CPS1: variants seen among roughly 807,000 people sequenced by gnomAD.
The protein encoded by CPS1 is carbamoyl-phosphate synthase 1, also known as carbamoyl-phosphate synthase [ammonia], mitochondrial.
In CPS1, 109 loss-of-function variants were observed where a neutral mutation model predicts 174.6. The observed-to-expected ratio is 0.62, with a 90% CI of 0.53 to 0.73. The LOEUF (loss-of-function observed/expected upper bound fraction) is 0.73. Ranked by LOEUF, CPS1 falls within the 30% of genes least tolerant of loss-of-function variation. CPS1 has a pLI of 0.00. For missense variants in CPS1, 1,689 were observed against 1,821.9 expected, an observed-to-expected ratio of 0.93 and a Z score of 1.33; for synonymous variants, 637 against 632.0, an observed-to-expected ratio of 1.01 and a Z score of -0.12.
intron 24 of CPS1, among the ~76,000 whole-genome samples, chr2:210,641,101 C>A (rs531500715): frequency 6.6e-6 from 1 of 152,144 alleles, no homozygotes; most frequent in Non-Finnish European, 1.5e-5. Flanking sequence ...ACAAAGGGAA[C>A]AAATTCCCTC....
intron 16 of CPS1, 86 bp from the exon 17 acceptor site, chr2:210,605,016 A>T: frequency 1.4e-6 from 2 of 1,474,794 alleles, no homozygotes; most frequent in African/African-American, 2.8e-5. Context: ...GCTGACCAGG[A>T]TTTATGCCAG....
chr2:210,495,059 G>T (rs1247166747), intron 1 of CPS1, among the ~76,000 whole-genome samples: 1 of 152,130 alleles, frequency 6.6e-6, no homozygotes, highest in East Asian at 1.9e-4. Flanking sequence ...ATGCAGCCAG[G>T]GTTGAAAATC....
At chr2:210,588,233 A>G (rs1698171052) in intron 7 of CPS1, 86 bp downstream of exon 7, 2 of 1,177,676 alleles carry the variant, frequency 1.7e-6, no homozygotes, top group Non-Finnish European at 2.5e-6. Context: ...AGAGAAACTT[A>G]TGCATTCTTT....
At chr2:210,667,050 G>C (rs1701126160) in intron 33 of CPS1, among the ~76,000 whole-genome samples, 1 of 152,150 alleles carries the variant, frequency 6.6e-6, no homozygotes, top group Admixed American at 6.5e-5. Flanking sequence ...CATGTCCCTT[G>C]TAAGTTGGAT....
At position 210,677,069 on chromosome 2, in the gene CPS1, T is replaced by A; in HGVS notation, c.4337T>A (p.Val1446Asp). 6.2e-7 allele frequency: 1 copy of A among 1,613,572 alleles called. No homozygotes were observed. Among genetic ancestry groups the A allele is most frequent in the Non-Finnish European group, 8.5e-7 (1 of 1,179,502 alleles). Residue 1446 changes from valine to aspartate, a missense_variant, in exon 37 of 38, where the codon GTC (valine) becomes GAC (aspartate). Coordinates refer to ENST00000233072, the MANE Select transcript of CPS1 (RefSeq NM_001875.5). Reference protein sequence around the residue: ...INLPNNNTKFVHDNYVIRRTA... With the variant: ...INLPNNNTKFDHDNYVIRRTA... ...CTTCCCAACAACAACACTAAATTTG[T>A]CCATGATAATTATGTGATTCGGAGG... is the stretch of plus-strand genomic sequence containing the variant.
intron 2 of CPS1, among the ~76,000 whole-genome samples, chr2:210,575,274 G>T (rs554085522): frequency 6.6e-6 from 1 of 152,012 alleles, no homozygotes; most frequent in African/African-American, 2.4e-5. Context: ...TTTCAAAGTC[G>T]TTGATTCTGT....
intron 21 of CPS1, among the ~76,000 whole-genome samples, chr2:210,620,960 C>G (rs1309587990): frequency 2.0e-5 from 3 of 152,034 alleles, no homozygotes; most frequent in African/African-American, 7.2e-5. Flanking sequence ...TCTCTAATAC[C>G]TGAATATAGT....
chr2:210,637,750 C>A lies in CPS1; in HGVS notation c.2736C>A (p.Phe912Leu). 6.2e-7 allele frequency: 1 copy of A among 1,613,972 alleles called. No individual in the cohort carries two copies. The highest frequency in any genetic ancestry group is 8.5e-7 in the Non-Finnish European group (1 of 1,179,894). ...TGAAAAGGGCAAAGGAGATTGGGTT[C>A]TCAGATAAGCAGATTTCAAAATGCC... ...ETLKRAKEIG[F>L]SDKQISKCLG... Residue 912 changes from phenylalanine (F) to leucine (L), a missense_variant, in exon 22 of 38, where the codon TTC (phenylalanine) becomes TTA (leucine). Coordinates refer to ENST00000233072, the MANE Select transcript of CPS1 (RefSeq NM_001875.5).
chr2:210,571,098 A>C (rs778917552), intron 1 of CPS1, among the ~76,000 whole-genome samples: 1 of 151,976 alleles, frequency 6.6e-6, no homozygotes, highest in Non-Finnish European at 1.5e-5. Context: ...CTTCTGTATT[A>C]AGATCATTTC....
At chr2:210,613,732 C>G (rs1032861735) in intron 20 of CPS1, among the ~76,000 whole-genome samples, 2 of 151,952 alleles carry the variant, frequency 1.3e-5, no homozygotes, top group Non-Finnish European at 2.9e-5. Context: ...ATCTCTCATT[C>G]TTTTCTAACA....
intron 19 of CPS1, 97 bp from the exon 20 acceptor site, chr2:210,612,020 A>C: frequency 9.1e-7 from 1 of 1,092,988 alleles, no homozygotes; most frequent in East Asian, 2.6e-5. Flanking sequence ...TTTTGTTCTT[A>C]TTTGTTTTAT....
intron 5 of CPS1, among the ~76,000 whole-genome samples, chr2:210,581,113 A>G (rs543720602): frequency 6.6e-6 from 1 of 152,106 alleles, no homozygotes; most frequent in African/African-American, 2.4e-5. Flanking sequence ...GTGTTAGTGA[A>G]ATTATATATC....
Position 210,583,178 on chromosome 2 carries a change from T to A in CPS1, c.621+469T>A, listed in dbSNP as rs547572459. The stretch of plus-strand genomic sequence containing the variant: ...ACTAAAGATTTATTGTGTTATAGCT[T>A]TGTTTCAAAATTAATGTTCGTAACG... On this transcript the variant is annotated intron_variant, in intron 6 of 37. Transcript: ENST00000233072. Among the ~76,000 whole-genome samples the A allele has an allele frequency of 2.0e-5, 3 of 152,272 alleles. No individual in the cohort carries two copies. The South Asian group carries it at 6.2e-4, about 32-fold the overall frequency.
At position 210,478,856 on chromosome 2, in the gene CPS1, G is replaced by C. The variant is rs576329084; in HGVS notation, c.3+1090G>C. 1.3e-4 allele frequency among the ~76,000 whole-genome samples: 20 copies of C among 151,696 alleles called. No homozygotes were observed. The East Asian group carries it at 3.9e-3, about 29-fold the overall frequency. On this transcript the variant is annotated intron_variant, in intron 1 of 38. Coordinates refer to the CPS1 transcript ENST00000430249. ...TAAATATAATCAAAGCATGTGACTT[G>C]TAAACACCCAAAGATTTTAATTGCT...
chr2:210,658,985 C>G (rs559607155), intron 31 of CPS1, among the ~76,000 whole-genome samples: 1 of 152,142 alleles, frequency 6.6e-6, no homozygotes, highest in Non-Finnish European at 1.5e-5. Context: ...GACAGACTAT[C>G]ATAAATAAAT....
At chr2:210,530,236 G>T (rs1489002138) in intron 1 of CPS1, among the ~76,000 whole-genome samples, 1 of 152,006 alleles carries the variant, frequency 6.6e-6, no homozygotes, top group Non-Finnish European at 1.5e-5. Context: ...TTGATGAGTG[G>T]AGTTACTGAA....
rs148478894 is a variant in CPS1, at chr2:210,620,401, C to T, written c.2687+3860C>T. On this transcript the variant is annotated intron_variant, in intron 21 of 37. Coordinates refer to ENST00000233072, the MANE Select transcript of CPS1 (RefSeq NM_001875.5). ...TAAACATGTTTCATGTTCATGATTACGTATGAAGTCTCATCTTTCTGCAGG... is the reference window on the plus strand; with the variant it reads ...TAAACATGTTTCATGTTCATGATTATGTATGAAGTCTCATCTTTCTGCAGG... Among the ~76,000 whole-genome samples, 9 of 152,126 alleles carry T rather than the reference C, an allele frequency of 5.9e-5. No homozygotes were observed. In the East Asian group the frequency reaches 7.8e-4, roughly 13 times the overall value.
intron 1 of CPS1, among the ~76,000 whole-genome samples, chr2:210,526,735 G>T (rs1232125981): frequency 6.6e-6 from 1 of 151,944 alleles, no homozygotes; most frequent in Non-Finnish European, 1.5e-5. Context: ...GGAAACTGAA[G>T]AGAGAGAATG....
chr2:210,544,147 A>G (rs1696503624), intron 1 of CPS1, among the ~76,000 whole-genome samples: 1 of 152,116 alleles, frequency 6.6e-6, no homozygotes, highest in African/African-American at 2.4e-5. Flanking sequence ...AGAACCAGGG[A>G]TAGAGTGTGC....
Sources: gnomAD v4.1 joint callset for allele counts (sites outside exome capture counted in the v4.1 genomes callset) on GRCh38, gnomAD v4.1.1 for gene constraint, MANE v1.5 for transcripts, NCBI Gene and HGNC (gene_info 2026-07-23, HGNC 2026-07-21) for gene names.